The following POGLUT3 variants were observed in gnomAD, a reference collection of about 807,000 sequenced individuals.
POGLUT3 encodes the protein protein O-glucosyltransferase 3.
Under a neutral mutation model 54.3 loss-of-function variants are expected in POGLUT3, and 48 were observed. The ratio of observed to expected loss-of-function variants is 0.88; its 90% CI spans 0.70 to 1.12. The LOEUF is 1.12. Ranked by LOEUF, POGLUT3 falls within the 50% of genes most tolerant of loss-of-function variation. POGLUT3 has a pLI of 0.00. For synonymous variants in POGLUT3, 218 were observed against 237.4 expected (o/e 0.92, Z 0.75); for missense variants, 629 against 618.7 (o/e 1.02, Z -0.18).
At chr11:108,492,417 T>G (rs2093614899) in intron 1 of POGLUT3, among the ~76,000 whole-genome samples, 1 of 152,236 alleles carries the variant, frequency 6.6e-6, no homozygotes, top group Non-Finnish European at 1.5e-5. Flanking sequence ...TAATGAATCC[T>G]TGGAAATCCA....
rs529078578 is a variant in POGLUT3, at chr11:108,483,959, G to A, written c.685-1737C>T. On this transcript the variant is annotated intron_variant, in intron 3 of 7. Coordinates refer to ENST00000323468, the MANE Select transcript of POGLUT3 (RefSeq NM_153705.5). ...GCTAGGATGACAGGTGTGAGCCACC[G>A]TGCCCAGCCTCCCTGCTATTATTTA... 5.3e-5 allele frequency among the ~76,000 whole-genome samples: 8 copies of A among 152,086 alleles called. No homozygotes were observed. The South Asian group carries it at 6.2e-4, about 12-fold the overall frequency.
At chr11:108,491,396 C>T (rs989549405) in intron 1 of POGLUT3, 32 of 593,434 alleles carry the variant, frequency 5.4e-5, no homozygotes, top group South Asian at 2.9e-4. Flanking sequence ...GCTCTGTCAT[C>T]CAGCTAGGAG....
intron 6 of POGLUT3, chr11:108,478,256 G>A (rs1271203278): frequency 4.6e-5 from 7 of 152,952 alleles, no homozygotes; most frequent in Non-Finnish European, 7.3e-5. Context: ...AAAGAGAAAC[G>A]ATCACATGTT....
chr11:108,486,357 G>A lies in POGLUT3; in HGVS notation c.484C>T (p.Gln162Ter). The A allele has an allele frequency of 1.2e-6, 2 of 1,614,140 alleles. No individual in the cohort carries two copies. The highest frequency in any genetic ancestry group is 8.5e-7 in the Non-Finnish European group (1 of 1,180,018). ...KTLSCPTKEP[Q>*]IAKDFASFPS... ...AAGGAAGCAAAATCTTTTGCAATCT[G>A]TGGTTCCTTGGTTGGACAAGAAAGA... The change falls in exon 3 of 8, where the codon CAG becomes TAG. Residue 162 changes from glutamine to a stop codon, truncating the protein, a stop_gained. Transcript: ENST00000323468. LOFTEE classifies it high-confidence loss of function.
intron 2 of POGLUT3, chr11:108,486,644 A>G: frequency 3.6e-6 from 2 of 557,692 alleles, no homozygotes; most frequent in Non-Finnish European, 6.3e-6. Context: ...AGTTTAGTAT[A>G]TGCCCTCTCC....
At chr11:108,485,654 T>TTATTTATG (rs1397048254) in intron 3 of POGLUT3, among the ~76,000 whole-genome samples, 67 of 150,604 alleles carry the variant, frequency 4.4e-4, no homozygotes, top group Non-Finnish European at 8.7e-4. Context: ...ATTTATTTAT[T>TTATTTATG]TATTTATTTA....
At chr11:108,491,368 T>C in intron 1 of POGLUT3, 1 of 605,196 alleles carries the variant, frequency 1.7e-6, no homozygotes, top group Non-Finnish European at 2.9e-6. Context: ...TTTTTTTTCT[T>C]TTTTGAGACA....
At chr11:108,497,305 G>GACCCCCTT (rs1317267440) in intron 1 of POGLUT3, among the ~76,000 whole-genome samples, 4 of 152,176 alleles carry the variant, frequency 2.6e-5, no homozygotes, top group Non-Finnish European at 2.9e-5. Flanking sequence ...CAGCTGTCAA[G>GACCCCCTT]ACCCCCTTAC....
rs1044248439 is a variant in POGLUT3, at chr11:108,472,236, C to A, written c.*2591G>T. The A allele has an allele frequency of 4.0e-5, 6 of 151,872 alleles. No homozygotes were observed. Among genetic ancestry groups the A allele is most frequent in the Non-Finnish European group, 8.8e-5 (6 of 67,998 alleles). The allele number at this position is 151,872 out of a possible 1,614,324, so 9.4% of individuals were successfully genotyped here. A position where few individuals can be genotyped will look rare whatever the true frequency, so the allele number is the denominator to read the frequency against. Reference sequence around the variant, plus strand: ...GAAAAAATATAAATATTTGCTGTTCCTGTTTATATCTTTTGTGCATTTATT... The same window carrying A: ...GAAAAAATATAAATATTTGCTGTTCATGTTTATATCTTTTGTGCATTTATT... On this transcript the variant is annotated 3_prime_UTR_variant, in exon 8 of 8. Coordinates refer to ENST00000323468, the MANE Select transcript of POGLUT3 (RefSeq NM_153705.5).
chr11:108,496,420 G>A (rs1458444142), intron 1 of POGLUT3, among the ~76,000 whole-genome samples: 1 of 151,502 alleles, frequency 6.6e-6, no homozygotes, highest in Non-Finnish European at 1.5e-5. Flanking sequence ...GCCATAAAAA[G>A]TTTTATTGTA....
In POGLUT3 at chr11:108,484,780, C is replaced by A. The variant is rs942905167; in HGVS notation, c.684+1377G>T. 5.9e-5 allele frequency among the ~76,000 whole-genome samples: 9 copies of A among 152,030 alleles called. No homozygotes were observed. In the East Asian group the frequency reaches 9.7e-4, roughly 16 times the overall value. On this transcript the variant is annotated intron_variant, in intron 3 of 7. Coordinates refer to ENST00000323468, the MANE Select transcript of POGLUT3 (RefSeq NM_153705.5). ...CAAAGCAAACAAACAAACAAACAAACAAAAAAACTCCCTTTATGGTCTCTC... is the reference window on the plus strand; with the variant it reads ...CAAAGCAAACAAACAAACAAACAAAAAAAAAAACTCCCTTTATGGTCTCTC...
intron 5 of POGLUT3, among the ~76,000 whole-genome samples, chr11:108,480,168 A>G (rs1420559667): frequency 6.6e-6 from 1 of 152,254 alleles, no homozygotes; most frequent in East Asian, 1.9e-4. Flanking sequence ...TTAAAGCTCA[A>G]TACTGATAAC....
At chr11:108,481,902 T>A in intron 4 of POGLUT3, 104 bp downstream of exon 4, 9 of 878,648 alleles carry the variant, frequency 1.0e-5, no homozygotes, top group Non-Finnish European at 1.4e-5. Flanking sequence ...GAATTTTCAG[T>A]ACAAGACTTT....
Position 108,475,463 on chromosome 11 carries a change from G to GTTTTTTT in POGLUT3, c.1399-512_1399-511insAAAAAAA, listed in dbSNP as rs367899085. Among the ~76,000 whole-genome samples, 18 of 109,924 alleles carry GTTTTTTT rather than the reference G, an allele frequency of 1.6e-4. 1 individual carries two copies. Among genetic ancestry groups the GTTTTTTT allele is most frequent in the East Asian group, 4.8e-4 (2 of 4,174 alleles). The allele number at this position is 109,924 out of a possible 152,430, so 72.1% of individuals were successfully genotyped here. A position where few individuals can be genotyped will look rare whatever the true frequency, so the allele number is the denominator to read the frequency against. Reference sequence around the variant, plus strand: ...TATTTCTATAAATGGAGTTTTTTTTGTTTTTGTTTTTTTTTTTTTTTGAGA... The same window carrying GTTTTTTT: ...TATTTCTATAAATGGAGTTTTTTTTGTTTTTTTTTTTTGTTTTTTTTTTTTTTTGAGA... On this transcript the variant is annotated intron_variant, in intron 7 of 7. Coordinates refer to ENST00000323468, the MANE Select transcript of POGLUT3 (RefSeq NM_153705.5).
intron 3 of POGLUT3, 37 bp downstream of exon 3, chr11:108,486,120 T>C: frequency 6.9e-7 from 1 of 1,455,496 alleles, no homozygotes; most frequent in Non-Finnish European, 9.6e-7. Flanking sequence ...TATACCTAAA[T>C]AATTAAACTG....
intron 1 of POGLUT3, among the ~76,000 whole-genome samples, chr11:108,496,806 T>C (rs2093623079): frequency 6.6e-6 from 1 of 152,202 alleles, no homozygotes; most frequent in African/African-American, 2.4e-5. Context: ...TTTATCTAGT[T>C]ATAAAGTCAT....
At chr11:108,482,301 CT>C in intron 3 of POGLUT3, 79 bp from the exon 4 acceptor site, 1 of 1,014,104 alleles carries the variant, frequency 9.9e-7, no homozygotes, top group Non-Finnish European at 1.5e-6. Flanking sequence ...CTTTGGTTTT[CT>C]TACATATTTT....
intron 1 of POGLUT3, among the ~76,000 whole-genome samples, chr11:108,497,311 C>G (rs1049113321): frequency 2.0e-5 from 3 of 152,220 alleles, no homozygotes; most frequent in Non-Finnish European, 4.4e-5. Context: ...TCAAGACCCC[C>G]TTACCCCTTT....
At chr11:108,481,119 T>C in intron 5 of POGLUT3, 61 bp downstream of exon 5, 1 of 1,351,884 alleles carries the variant, frequency 7.4e-7, no homozygotes, top group South Asian at 1.4e-5. Context: ...CCACCTATTT[T>C]GGTAGACTTT....
Sources: allele counts gnomAD v4.1 joint callset (sites outside exome capture counted in the v4.1 genomes callset), GRCh38; gene constraint gnomAD v4.1.1; transcripts MANE v1.5; gene names NCBI Gene and HGNC (gene_info 2026-07-23, HGNC 2026-07-21).